DIAPH2: variants seen among roughly 807,000 people sequenced by gnomAD.
DIAPH2 encodes the protein protein diaphanous homolog 2.
A neutral mutation model predicts 92.7 loss-of-function variants in DIAPH2; 35 were observed. That is an observed-to-expected ratio of 0.38 (90% CI 0.29 to 0.50). The LOEUF (loss-of-function observed/expected upper bound fraction) is 0.50, where lower values mean the gene tolerates loss of function less well. Ranked by LOEUF, DIAPH2 falls within the 20% of genes least tolerant of loss-of-function variation. The pLI is 0.94. For missense variants in DIAPH2, 701 were observed against 819.5 expected (o/e 0.86, Z 1.77); for synonymous variants, 301 against 280.4 (o/e 1.07, Z -0.73).
At chrX:97,277,235 G>C (rs941502167) in intron 23 of DIAPH2, among the ~76,000 whole-genome samples, 2 of 111,639 alleles carry the variant, frequency 1.8e-5, no homozygotes, top group Non-Finnish European at 3.8e-5. Flanking sequence ...CTACTTGGGA[G>C]GCTGAGGCAG....
At chrX:97,254,395 A>G (rs2068217201) in intron 23 of DIAPH2, among the ~76,000 whole-genome samples, 1 of 107,959 alleles carries the variant, frequency 9.3e-6, no homozygotes, top group Admixed American at 1.0e-4. Flanking sequence ...GAGAGGCTGA[A>G]CTAGGAGAAT....
At chrX:97,450,455 C>T (rs1403718740) in intron 26 of DIAPH2, among the ~76,000 whole-genome samples, 2 of 111,398 alleles carry the variant, frequency 1.8e-5, no homozygotes, top group African/African-American at 6.5e-5. Context: ...TTATAAAAGC[C>T]TCTTAGAAAA....
In DIAPH2 at chrX:97,200,757, C is replaced by T. The variant is rs182725193; in HGVS notation, c.2720-46958C>T. On this transcript the variant is annotated intron_variant, in intron 22 of 26. Coordinates refer to ENST00000324765, the MANE Select transcript of DIAPH2 (RefSeq NM_006729.5). ...AGTGGACTTAATCTTTCCTGCCTGC[C>T]GGCTTCGAAGGCAGCAGCTGATCCT... is the stretch of plus-strand genomic sequence containing the variant. Among the ~76,000 whole-genome samples the T allele has an allele frequency of 2.5e-4, 28 of 111,711 alleles. No individual in the cohort carries two copies. In the East Asian group the frequency reaches 7.7e-3, roughly 31 times the overall value.
intron 3 of DIAPH2, among the ~76,000 whole-genome samples, chrX:96,744,687 T>C (rs1289699770): frequency 3.6e-5 from 4 of 112,271 alleles, no homozygotes; most frequent in African/African-American, 1.3e-4. Context: ...GTTAAAAATG[T>C]CATTATCACA....
At chrX:97,484,829 G>A (rs1237844989) in intron 26 of DIAPH2, among the ~76,000 whole-genome samples, 1 of 111,754 alleles carries the variant, frequency 8.9e-6, no homozygotes, top group Non-Finnish European at 1.9e-5. Flanking sequence ...CCTGGGAGGC[G>A]GAGGTTGCGG....
chrX:96,706,151 G>T (rs1191795804), intron 1 of DIAPH2, among the ~76,000 whole-genome samples: 1 of 112,316 alleles, frequency 8.9e-6, no homozygotes, highest in East Asian at 2.8e-4. Flanking sequence ...TTCTCACATG[G>T]CTGGCAGCAA....
At position 96,916,417 on chromosome X, in the gene DIAPH2, GTTT is replaced by G. The variant is rs56682273; in HGVS notation, c.733-5_733-3del. The G allele has an allele frequency of 2.7e-4, 238 of 878,833 alleles. No homozygotes were observed. Among genetic ancestry groups the G allele is most frequent in the Admixed American group, 1.0e-3 (23 of 22,019 alleles). The allele number at this position is 878,833 out of a possible 1,213,427, so 72.4% of individuals were successfully genotyped here. A position where few individuals can be genotyped will look rare whatever the true frequency, so the allele number is the denominator to read the frequency against. On this transcript the variant is annotated intron_variant, in intron 7 of 26. Transcript: ENST00000324765. ...TATTCCATAGACATTCTGAATGAAG[GTTT>G]TTTTTTTTTTTTTTTAGTTTGGATT...
At chrX:97,275,538 G>A (rs1270279486) in intron 23 of DIAPH2, among the ~76,000 whole-genome samples, 4 of 99,018 alleles carry the variant, frequency 4.0e-5, no homozygotes, top group East Asian at 7.0e-4. Flanking sequence ...GCTGCCGGGC[G>A]GAGGGGCTCC....
intron 22 of DIAPH2, among the ~76,000 whole-genome samples, chrX:97,202,075 G>A (rs1425730953): frequency 1.8e-5 from 2 of 111,602 alleles, no homozygotes; most frequent in Non-Finnish European, 3.8e-5. Context: ...CTTCATAAGC[G>A]AAGTGGAAAT....
Position 97,542,016 on chromosome X carries a change from C to T in DIAPH2, c.3242-57237C>T, listed in dbSNP as rs766379779. 6.8e-4 allele frequency among the ~76,000 whole-genome samples: 76 copies of T among 112,231 alleles called. 2 individuals carry two copies. The highest frequency in any genetic ancestry group is 4.6e-3 in the Middle Eastern group (1 of 217). On this transcript the variant is annotated intron_variant, in intron 26 of 26. Coordinates refer to ENST00000324765, the MANE Select transcript of DIAPH2 (RefSeq NM_006729.5). ...CATGCAGAGAAAGATACTGAAATCT[C>T]CTAATACAACATGTTGAGAAGAAAG...
chrX:97,593,681 A>ACAAT (rs1163051866), intron 26 of DIAPH2, among the ~76,000 whole-genome samples: 2 of 111,559 alleles, frequency 1.8e-5, no homozygotes, highest in African/African-American at 6.5e-5. Context: ...AAAATAAATA[A>ACAAT]CAATCAACAA....
intron 22 of DIAPH2, among the ~76,000 whole-genome samples, chrX:97,194,015 A>G (rs1326661575): frequency 9.0e-6 from 1 of 111,625 alleles, no homozygotes; most frequent in African/African-American, 3.3e-5. Context: ...CTGTGAGGAC[A>G]TATTTGCTCA....
At chrX:97,441,222 C>G (rs2070253944) in intron 26 of DIAPH2, among the ~76,000 whole-genome samples, 1 of 110,198 alleles carries the variant, frequency 9.1e-6, no homozygotes. Context: ...TCGAGACCAG[C>G]CTGACCAACA....
intron 22 of DIAPH2, among the ~76,000 whole-genome samples, chrX:97,211,609 T>G (rs963529740): frequency 1.4e-4 from 16 of 111,580 alleles, no homozygotes; most frequent in African/African-American, 5.2e-4. Flanking sequence ...GCAACTGATT[T>G]TTCTCTCATG....
intron 26 of DIAPH2, chrX:97,528,412 C>T (rs2071037610): frequency 8.9e-6 from 1 of 112,097 alleles, no homozygotes; most frequent in Non-Finnish European, 1.9e-5. Flanking sequence ...CTGCAGACTG[C>T]ACAGGAAGCA....
intron 1 of DIAPH2, among the ~76,000 whole-genome samples, chrX:96,733,322 A>G (rs1164054059): frequency 2.7e-5 from 3 of 111,817 alleles, no homozygotes; most frequent in African/African-American, 9.8e-5. Context: ...GGTAGGCCTC[A>G]CTGAGCAAAA....
At chrX:97,042,673 A>G (rs1334723695) in intron 17 of DIAPH2, among the ~76,000 whole-genome samples, 1 of 112,022 alleles carries the variant, frequency 8.9e-6, no homozygotes, top group Non-Finnish European at 1.9e-5. Context: ...ATAAATATCA[A>G]ATAAATGAAA....
At chrX:97,124,452 C>T (rs922233278) in intron 21 of DIAPH2, among the ~76,000 whole-genome samples, 2 of 112,343 alleles carry the variant, frequency 1.8e-5, no homozygotes, top group African/African-American at 6.5e-5. Flanking sequence ...AATTTGATTA[C>T]ATCTGTTTAG....
intron 4 of DIAPH2, among the ~76,000 whole-genome samples, chrX:96,877,029 C>T (rs1441389941): frequency 9.1e-6 from 1 of 110,270 alleles, no homozygotes; most frequent in East Asian, 2.8e-4. Flanking sequence ...ATTACTCTCC[C>T]AGTAAGAGAT....
Sources: gnomAD v4.1 joint callset for allele counts (sites outside exome capture counted in the v4.1 genomes callset) on GRCh38, gnomAD v4.1.1 for gene constraint, MANE v1.5 for transcripts, NCBI Gene and HGNC (gene_info 2026-07-23, HGNC 2026-07-21) for gene names.